SGO2: variants seen among roughly 807,000 people sequenced by gnomAD.
SGO2 encodes shugoshin 2.
Under a neutral mutation model 99.5 loss-of-function variants are expected in SGO2, and 68 were observed. The ratio of observed to expected loss-of-function variants is 0.68; its 90% confidence interval spans 0.56 to 0.84. The LOEUF (loss-of-function observed/expected upper bound fraction) is 0.84, where lower values mean the gene tolerates loss of function less well. SGO2 is among the 40% of genes least tolerant of loss of function. The pLI is 0.00. For missense variants in SGO2, 1,350 were observed against 1,436.7 expected, an observed-to-expected ratio of 0.94 and a Z score of 0.97; for synonymous variants, 457 against 487.1, an observed-to-expected ratio of 0.94 and a Z score of 0.81.
At chr2:200,531,174 C>G (rs2031359938) in intron 1 of SGO2, among the ~76,000 whole-genome samples, 5 of 152,094 alleles carry the variant, frequency 3.3e-5, no homozygotes, top group Admixed American at 3.3e-4. Flanking sequence ...TGATCCCTAA[C>G]AACAGGAGAG....
chr2:200,540,776 A>G (rs778129768), intron 4 of SGO2, among the ~76,000 whole-genome samples: 14 of 152,240 alleles, frequency 9.2e-5, no homozygotes, highest in Non-Finnish European at 2.1e-4. Flanking sequence ...TCTCAGGGCT[A>G]GCCAATTTTT....
In SGO2 at chr2:200,573,942, T is replaced by C. The variant is rs1378761483; in HGVS notation, c.3596T>C (p.Phe1199Ser). Reference sequence around the variant, plus strand: ...CATGAGAAGATGAACAAGATGAAATTTAAAGTCAACCGGAGAACCCAAAAA... The same window carrying C: ...CATGAGAAGATGAACAAGATGAAATCTAAAGTCAACCGGAGAACCCAAAAA... ...DEHEKMNKMK[F>S]KVNRRTQKSG... The change falls in exon 7 of 9, where the codon TTT becomes TCT. Residue 1199 changes from phenylalanine (F) to serine (S), a missense_variant. Coordinates refer to ENST00000357799, the MANE Select transcript of SGO2 (RefSeq NM_152524.6). 1.9e-6 allele frequency: 3 copies of C among 1,599,766 alleles called. No individual in the cohort carries two copies. The highest frequency in any genetic ancestry group is 2.6e-6 in the Non-Finnish European group (3 of 1,175,786).
chr2:200,578,973 C>G (rs2033752551), intron 8 of SGO2, among the ~76,000 whole-genome samples: 1 of 152,134 alleles, frequency 6.6e-6, no homozygotes. Context: ...GGAGGCTGTC[C>G]TGTGTATTGT....
rs1219313241 is a variant in SGO2 at position 200,526,582 on chromosome 2, T to C, written c.-3+330T>C. On this transcript the variant is annotated intron_variant, in intron 1 of 8. Coordinates refer to ENST00000357799, the MANE Select transcript of SGO2 (RefSeq NM_152524.6). This position sits in a 1 kb window ranked among gnomAD's most constrained non-coding sequence, Gnocchi z 4.8. ...ACTCCCTTGAACAGTTTCTAGGGCA[T>C]TGTGAGCGCTCAGTACGTGTCTGCG... 6.6e-6 allele frequency among the ~76,000 whole-genome samples: 1 copy of C among 152,094 alleles called. No homozygotes were observed. The highest frequency in any genetic ancestry group is 1.5e-5 in the Non-Finnish European group (1 of 68,008).
chr2:200,543,554 T>G (rs2032064937), intron 5 of SGO2: 1 of 152,244 alleles, frequency 6.6e-6, no homozygotes, highest in Non-Finnish European at 1.5e-5. Context: ...TGCTTTTACT[T>G]AAGTGCACAA....
In SGO2 at chr2:200,534,521, G is replaced by A. The variant is rs373668330; in HGVS notation, c.134-475G>A. 1.5e-3 allele frequency among the ~76,000 whole-genome samples: 232 copies of A among 152,272 alleles called. 1 individual carries two copies. The highest frequency in any genetic ancestry group is 5.2e-3 in the African/African-American group (218 of 41,552). ...CAAAGTTTAAAAATGGGCGTTGGGA[G>A]TATTAAGTAATTTGTTCAGTTCTGG... On this transcript the variant is annotated intron_variant, in intron 2 of 8. Coordinates refer to ENST00000357799, the MANE Select transcript of SGO2 (RefSeq NM_152524.6).
rs959842125 is a variant in SGO2, at chr2:200,542,779, C to T, written c.473+115C>T. On this transcript the variant is annotated intron_variant, in intron 5 of 8. Coordinates refer to ENST00000357799, the MANE Select transcript of SGO2 (RefSeq NM_152524.6). ...TCATCAACCTGTAGTTATCTACTAA[C>T]GTAGAAATGAGCTGGTTTGTAGTGT... 3.3e-5 allele frequency: 28 copies of T among 839,710 alleles called. No homozygotes were observed. In the East Asian group the frequency reaches 5.7e-4, roughly 17 times the overall value. 52.0% of individuals were successfully genotyped at this position (839,710 alleles called of 1,614,324 possible).
intron 1 of SGO2, among the ~76,000 whole-genome samples, chr2:200,531,328 G>C (rs1376368556): frequency 6.6e-6 from 1 of 152,172 alleles, no homozygotes; most frequent in Non-Finnish European, 1.5e-5. Flanking sequence ...GAGTGACCCA[G>C]GGATTGATAA....
In SGO2 at chr2:200,549,876, A is replaced by T. The variant is rs573268404; in HGVS notation, c.473+7212A>T. Among the ~76,000 whole-genome samples the T allele has an allele frequency of 1.7e-4, 26 of 152,344 alleles. No homozygotes were observed. The East Asian group carries it at 5.0e-3, about 29-fold the overall frequency. ...AATACTTGAAGTACTGGCCAGAGCA[A>T]CTAAGCAAGAAAACAAAATAAAGGG... On this transcript the variant is annotated intron_variant, in intron 5 of 8. Coordinates refer to ENST00000357799, the MANE Select transcript of SGO2 (RefSeq NM_152524.6).
intron 4 of SGO2, among the ~76,000 whole-genome samples, chr2:200,537,163 T>G: frequency 6.6e-6 from 1 of 152,084 alleles, no homozygotes; most frequent in South Asian, 2.1e-4. Context: ...AGGCTCCTGT[T>G]GTTGGACACT....
chr2:200,537,350 A>G (rs529667506), intron 4 of SGO2, among the ~76,000 whole-genome samples: 50 of 152,226 alleles, frequency 3.3e-4, no homozygotes, highest in Admixed American at 1.2e-3. Context: ...CTACTATCTC[A>G]GCTCTCTTCT....
chr2:200,548,696 A>T (rs983250605), intron 5 of SGO2, among the ~76,000 whole-genome samples: 23 of 152,172 alleles, frequency 1.5e-4, no homozygotes, highest in Non-Finnish European at 3.1e-4. Context: ...AACAACATTG[A>T]CAAACCTTTA....
chr2:200,534,702 T>C (rs1415562306), intron 2 of SGO2, among the ~76,000 whole-genome samples: 1 of 152,204 alleles, frequency 6.6e-6, no homozygotes, highest in Non-Finnish European at 1.5e-5. Flanking sequence ...TTAATTTTTG[T>C]GACTGATCTA....
chr2:200,564,999 T>G (rs1574868660), intron 5 of SGO2, among the ~76,000 whole-genome samples: 2 of 152,156 alleles, frequency 1.3e-5, no homozygotes, highest in African/African-American at 4.8e-5. Flanking sequence ...CACTGATGGG[T>G]CTTGACTCTT....
At chr2:200,550,701 A>T (rs532523603) in intron 5 of SGO2, among the ~76,000 whole-genome samples, 1 of 152,266 alleles carries the variant, frequency 6.6e-6, no homozygotes, top group East Asian at 1.9e-4. Context: ...TGGATAAAAG[A>T]TTTGAATCTA....
chr2:200,572,099 G>A lies in SGO2; in HGVS notation c.1753G>A (p.Gly585Arg). 6.2e-7 allele frequency: 1 copy of A among 1,613,248 alleles called. No homozygotes were observed. The highest frequency in any genetic ancestry group is 8.5e-7 in the Non-Finnish European group (1 of 1,179,546). ...TKDNGNLCDYGTHNILDLKKY... is the reference protein window; with the variant it reads ...TKDNGNLCDYRTHNILDLKKY... ...AGATAATGGAAATTTATGTGATTATGGGACCCACAATATATTGGATTTGAA... is the reference window on the plus strand; with the variant it reads ...AGATAATGGAAATTTATGTGATTATAGGACCCACAATATATTGGATTTGAA... The change falls in exon 7 of 9, where the codon GGG becomes AGG. Residue 585 changes from glycine to arginine, a missense_variant. By Grantham distance (125) the Gly-to-Arg change is moderately radical. Coordinates refer to ENST00000357799, the MANE Select transcript of SGO2 (RefSeq NM_152524.6).
chr2:200,548,338 AATGGAAATTAAACAAC>A lies in SGO2; in HGVS notation c.473+5678_473+5693del, dbSNP rs1430969593. The stretch of plus-strand genomic sequence containing the variant: ...AGGAACTTTGGAAAATACACAAACA[AATGGAAATTAAACAAC>A]ATGCTCCTAAGCAACCAATGGGTCA... On this transcript the variant is annotated intron_variant, in intron 5 of 8. Coordinates refer to ENST00000357799, the MANE Select transcript of SGO2 (RefSeq NM_152524.6). Among the ~76,000 whole-genome samples, 6 of 152,044 alleles carry A rather than the reference AATGGAAATTAAACAAC, an allele frequency of 3.9e-5. No individual in the cohort carries two copies. In the South Asian group the frequency reaches 1.2e-3, roughly 32 times the overall value.
intron 5 of SGO2, among the ~76,000 whole-genome samples, chr2:200,549,557 G>A (rs568335812): frequency 1.5e-3 from 229 of 152,222 alleles, no homozygotes; most frequent in Non-Finnish European, 2.7e-3. Context: ...CATTCACCAT[G>A]ATCAAGTGGG....
intron 2 of SGO2, chr2:200,533,462 TGAG>T (rs954919291): frequency 5.0e-6 from 1 of 199,030 alleles, no homozygotes; most frequent in Non-Finnish European, 1.0e-5. Flanking sequence ...TGGGTAGCCT[TGAG>T]GAGGTGGGCT....
Sources: gnomAD v4.1 joint callset for allele counts (sites outside exome capture counted in the v4.1 genomes callset) on GRCh38, gnomAD v4.1.1 for gene constraint, Gnocchi (gnomAD v3.1) non-coding constraint, MANE v1.5 for transcripts, NCBI Gene and HGNC (gene_info 2026-07-23, HGNC 2026-07-21) for gene names.